Variants in DIS3L2 observed in about 807,000 individuals in gnomAD.
DIS3L2 encodes DIS3 like 3'-5' exoribonuclease 2, also known as DIS3-like exonuclease 2.
In DIS3L2, 34 loss-of-function variants were observed where a neutral mutation model predicts 97.5. The observed-to-expected ratio is 0.35, with a 90% CI of 0.27 to 0.46. The LOEUF (loss-of-function observed/expected upper bound fraction) is 0.46. Among genes scored for constraint, DIS3L2 ranks in the 20% least tolerant of loss-of-function variants. The probability of loss-of-function intolerance (pLI) is 1.00; values close to 1 mark genes in which losing one functional copy is unlikely to be tolerated. For missense variants in DIS3L2, 1,038 were observed against 1,146.0 expected (o/e 0.91, Z 1.36); for synonymous variants, 435 against 445.2 (o/e 0.98, Z 0.29).
chr2:232,163,768 A>G, intron 9 of DIS3L2, 136 bp downstream of exon 9: 1 of 991,322 alleles, frequency 1.0e-6, no homozygotes, highest in South Asian at 2.1e-5. Flanking sequence ...TCTGTACCAC[A>G]GTTGGCAAAT....
At chr2:232,158,981 G>A (rs1233591045) in intron 8 of DIS3L2, among the ~76,000 whole-genome samples, 1 of 152,136 alleles carries the variant, frequency 6.6e-6, no homozygotes, top group African/African-American at 2.4e-5. Flanking sequence ...TTCAAAGGTT[G>A]GGATAATAGG....
intron 9 of DIS3L2, among the ~76,000 whole-genome samples, chr2:232,174,585 CAAAA>C (rs60698530): frequency 8.0e-4 from 67 of 83,926 alleles, no homozygotes; most frequent in African/African-American, 2.3e-3. Flanking sequence ...GACTCCACCT[CAAAA>C]AAAAAAAAAA....
chr2:232,214,792 G>T (rs75664029), intron 10 of DIS3L2, among the ~76,000 whole-genome samples: 1 of 152,230 alleles, frequency 6.6e-6, no homozygotes, highest in Non-Finnish European at 1.5e-5. Context: ...AAAATTGTCA[G>T]CCTGACAAGC....
At chr2:232,066,050 C>T (rs1348229900) in intron 5 of DIS3L2, among the ~76,000 whole-genome samples, 1 of 151,728 alleles carries the variant, frequency 6.6e-6, no homozygotes, top group African/African-American at 2.4e-5. Context: ...AGTTTTAGTA[C>T]ATCTTTAAAG....
At chr2:232,006,780 C>T (rs1438812806) in intron 1 of DIS3L2, among the ~76,000 whole-genome samples, 1 of 152,056 alleles carries the variant, frequency 6.6e-6, no homozygotes, top group Non-Finnish European at 1.5e-5. Flanking sequence ...AAGAGAAGAA[C>T]CACAAGACTG....
chr2:232,194,804 G>A (rs796917564), intron 9 of DIS3L2, among the ~76,000 whole-genome samples: 2 of 152,224 alleles, frequency 1.3e-5, no homozygotes, highest in African/African-American at 4.8e-5. Context: ...TGGGTGACCC[G>A]CAACCTGGAA....
At chr2:232,056,054 G>A (rs994391626) in intron 5 of DIS3L2, among the ~76,000 whole-genome samples, 2 of 152,110 alleles carry the variant, frequency 1.3e-5, no homozygotes, top group African/African-American at 4.8e-5. Context: ...GACTTTAGGG[G>A]CACCAAAAAT....
At chr2:232,104,000 C>T (rs1235790857) in intron 6 of DIS3L2, among the ~76,000 whole-genome samples, 1 of 152,096 alleles carries the variant, frequency 6.6e-6, no homozygotes, top group Non-Finnish European at 1.5e-5. Flanking sequence ...GGTCCCCCCC[C>T]ACCACCTTTT....
At chr2:232,035,887 T>C (rs1694936807) in intron 5 of DIS3L2, among the ~76,000 whole-genome samples, 1 of 152,250 alleles carries the variant, frequency 6.6e-6, no homozygotes, top group Admixed American at 6.5e-5. Flanking sequence ...TCTGATGGGC[T>C]TCCCTTTGTG....
At chr2:232,199,030 G>A (rs895434259) in intron 9 of DIS3L2, among the ~76,000 whole-genome samples, 1 of 151,970 alleles carries the variant, frequency 6.6e-6, no homozygotes, top group Non-Finnish European at 1.5e-5. Context: ...GGAAATCTTT[G>A]TCTGTTCTCA....
In DIS3L2 at chr2:232,334,000, G is replaced by C. The variant is rs1695855681; in HGVS notation, c.2158+13G>C. The C allele has an allele frequency of 6.2e-7, 1 of 1,604,216 alleles. No homozygotes were observed. Among genetic ancestry groups the C allele is most frequent in the Non-Finnish European group, 8.5e-7 (1 of 1,175,722 alleles). On this transcript the variant is annotated intron_variant, in intron 17 of 20. Coordinates refer to ENST00000325385, the MANE Select transcript of DIS3L2 (RefSeq NM_152383.5). ...GCTGCCGCGTTAGGTGAGGGGTGCAGTCGGGGTCAGGGCAGACCTGGGCCA... is the reference window on the plus strand; with the variant it reads ...GCTGCCGCGTTAGGTGAGGGGTGCACTCGGGGTCAGGGCAGACCTGGGCCA...
intron 6 of DIS3L2, among the ~76,000 whole-genome samples, chr2:232,127,935 C>G (rs1698110727): frequency 6.6e-6 from 1 of 151,876 alleles, no homozygotes; most frequent in South Asian, 2.1e-4. Context: ...TTATTCTTTC[C>G]TTCTTAGCAT....
chr2:232,323,647 C>T (rs1331953657), intron 14 of DIS3L2, among the ~76,000 whole-genome samples: 1 of 152,176 alleles, frequency 6.6e-6, no homozygotes, highest in Non-Finnish European at 1.5e-5. Context: ...GGGCCCCATT[C>T]ATTTCTCTGT....
chr2:232,246,606 C>T (rs1305761296), intron 11 of DIS3L2, among the ~76,000 whole-genome samples: 4 of 152,336 alleles, frequency 2.6e-5, no homozygotes, highest in African/African-American at 4.8e-5. Flanking sequence ...GTACAAGAAG[C>T]GGTGGGCCCA....
chr2:232,002,527 T>C (rs776999824), intron 1 of DIS3L2, among the ~76,000 whole-genome samples: 4 of 152,180 alleles, frequency 2.6e-5, no homozygotes, highest in Non-Finnish European at 4.4e-5. Context: ...GTGTCTTCAG[T>C]TTATTTCATT....
At chr2:232,220,549 A>G (rs916682428) in intron 10 of DIS3L2, among the ~76,000 whole-genome samples, 1 of 152,024 alleles carries the variant, frequency 6.6e-6, no homozygotes, top group Admixed American at 6.6e-5. Flanking sequence ...TCTACTAAAA[A>G]TATAAAAATT....
intron 13 of DIS3L2, among the ~76,000 whole-genome samples, chr2:232,279,192 C>T (rs1253734030): frequency 6.6e-6 from 1 of 152,098 alleles, no homozygotes; most frequent in African/African-American, 2.4e-5. Flanking sequence ...CCACCTCGGC[C>T]TCTCAAAGTG....
chr2:232,161,341 C>T (rs1212389504), intron 8 of DIS3L2, among the ~76,000 whole-genome samples: 4 of 152,138 alleles, frequency 2.6e-5, no homozygotes, highest in African/African-American at 9.7e-5. Context: ...TGACACTTTT[C>T]TTCCTTTCCG....
intron 5 of DIS3L2, among the ~76,000 whole-genome samples, chr2:232,051,552 C>A (rs1695399649): frequency 6.6e-6 from 1 of 152,054 alleles, no homozygotes; most frequent in Non-Finnish European, 1.5e-5. Flanking sequence ...GTGGCTCACG[C>A]CTGTAATCCC....
Sources: allele counts gnomAD v4.1 joint callset (sites outside exome capture counted in the v4.1 genomes callset), GRCh38; gene constraint gnomAD v4.1.1; transcripts MANE v1.5; gene names NCBI Gene and HGNC (gene_info 2026-07-23, HGNC 2026-07-21).